Variants in FRMD3 observed in about 807,000 individuals in gnomAD.
FRMD3 encodes FERM domain-containing protein 3.
FRMD3 carries 33 observed loss-of-function variants against 70.2 expected under a neutral mutation model. The ratio of observed to expected loss-of-function variants is 0.47; its 90% CI spans 0.36 to 0.63. The LOEUF (loss-of-function observed/expected upper bound fraction) is 0.63, where lower values mean the gene tolerates loss of function less well. FRMD3 is among the 20% of genes least tolerant of loss of function. The pLI is 0.00. For missense variants in FRMD3, 632 were observed against 711.4 expected (o/e 0.89, Z 1.27); for synonymous variants, 279 against 255.9 (o/e 1.09, Z -0.86).
intron 12 of FRMD3, 147 bp from the exon 13 acceptor site, chr9:83,290,874 AC>A: frequency 1.3e-6 from 1 of 765,974 alleles, no homozygotes; most frequent in Non-Finnish European, 2.0e-6. Flanking sequence ...AGATGACGTA[AC>A]ATTCAAGATA....
intron 1 of FRMD3, among the ~76,000 whole-genome samples, chr9:83,534,206 T>C (rs193161902): frequency 4.7e-4 from 72 of 152,216 alleles, no homozygotes; most frequent in African/African-American, 1.7e-3. Flanking sequence ...CCCTGTCTAT[T>C]TGGAATTCCT....
chr9:83,479,112 C>T (rs147370762), intron 1 of FRMD3, among the ~76,000 whole-genome samples: 2 of 152,052 alleles, frequency 1.3e-5, no homozygotes, highest in Non-Finnish European at 2.9e-5. Context: ...GAACTAGGCA[C>T]ACACAGGCAT....
the FRMD3 span, among the ~76,000 whole-genome samples, chr9:83,566,078 C>T: frequency 6.6e-6 from 1 of 152,142 alleles, no homozygotes; most frequent in Non-Finnish European, 1.5e-5. Context: ...TTTCATGCTG[C>T]TGATAGAGAC....
chr9:83,328,832 AAGG>A (rs1269649484), intron 6 of FRMD3, among the ~76,000 whole-genome samples: 1 of 152,196 alleles, frequency 6.6e-6, no homozygotes, highest in African/African-American at 2.4e-5. Flanking sequence ...AAATGGATAG[AAGG>A]ATGGATAAAT....
At chr9:83,355,133 G>A (rs973092342) in intron 3 of FRMD3, among the ~76,000 whole-genome samples, 9 of 152,092 alleles carry the variant, frequency 5.9e-5, no homozygotes, top group South Asian at 2.1e-4. Context: ...CTTGTGCAGC[G>A]ATGACTAACC....
intron 13 of FRMD3, among the ~76,000 whole-genome samples, chr9:83,280,317 G>A (rs1009347609): frequency 3.9e-5 from 6 of 152,174 alleles, no homozygotes; most frequent in East Asian, 1.9e-4. Context: ...TATTGTATTC[G>A]GTGTCCACTC....
At chr9:83,531,252 TA>T (rs1450810475) in intron 1 of FRMD3, among the ~76,000 whole-genome samples, 1 of 152,198 alleles carries the variant, frequency 6.6e-6, no homozygotes, top group Non-Finnish European at 1.5e-5. Context: ...TATGAGTCAG[TA>T]AATGTCCTTA....
chr9:83,519,953 T>G (rs1458933294), intron 1 of FRMD3, among the ~76,000 whole-genome samples: 1 of 151,766 alleles, frequency 6.6e-6, no homozygotes, highest in Non-Finnish European at 1.5e-5. Context: ...TGAGAACATA[T>G]GGGCACAGGG....
At chr9:83,515,706 G>C (rs1395499825) in intron 1 of FRMD3, among the ~76,000 whole-genome samples, 1 of 152,156 alleles carries the variant, frequency 6.6e-6, no homozygotes, top group East Asian at 1.9e-4. Flanking sequence ...AAAATGTTAA[G>C]GGCAGCCAGA....
chr9:83,548,433 G>C, the FRMD3 span, among the ~76,000 whole-genome samples: 2 of 152,244 alleles, frequency 1.3e-5, no homozygotes, highest in Admixed American at 6.5e-5. Flanking sequence ...AGACATGGAA[G>C]AATATTAAAT....
rs943302544 is a variant in FRMD3 at position 83,501,265 on chromosome 9, G to C, written c.147+36820C>G. Among the ~76,000 whole-genome samples the C allele has an allele frequency of 3.3e-5, 5 of 151,982 alleles. No homozygotes were observed. The South Asian group carries it at 1.0e-3, about 31-fold the overall frequency. ...GCCGAGATGGTGCCACTGCACTCCA[G>C]CCTGGGTGACAGAGCGAGACTCCAT... On this transcript the variant is annotated intron_variant, in intron 1 of 13. Transcript: ENST00000304195.
intron 1 of FRMD3, among the ~76,000 whole-genome samples, chr9:83,482,280 G>GTGTATA (rs1178727349): frequency 6.6e-6 from 1 of 152,206 alleles, no homozygotes; most frequent in Non-Finnish European, 1.5e-5. Flanking sequence ...ACAAAAAACT[G>GTGTATA]TGTATAATTC....
downstream of FRMD3, chr9:83,243,179 C>T (rs772479279): frequency 9.1e-5 from 141 of 1,549,714 alleles, no homozygotes; most frequent in Admixed American, 2.9e-4. Flanking sequence ...GAGCTCACCA[C>T]GGGCAGGTTC....
chr9:83,554,174 C>T, the FRMD3 span, among the ~76,000 whole-genome samples: 3 of 152,138 alleles, frequency 2.0e-5, no homozygotes, highest in Admixed American at 2.0e-4. Context: ...GCAAATAACA[C>T]TTAGGCTCAT....
At chr9:83,288,353 T>C (rs1425796422) in intron 13 of FRMD3, among the ~76,000 whole-genome samples, 1 of 152,228 alleles carries the variant, frequency 6.6e-6, no homozygotes, top group Non-Finnish European at 1.5e-5. Context: ...GTGGATATCA[T>C]ACGGTACCTA....
chr9:83,427,393 C>T (rs1012049639), intron 1 of FRMD3, among the ~76,000 whole-genome samples: 3 of 152,210 alleles, frequency 2.0e-5, no homozygotes, highest in Non-Finnish European at 2.9e-5. Context: ...TTGTTCAGGT[C>T]ACACATCCCT....
chr9:83,257,128 C>G (rs1021901926), intron 13 of FRMD3, among the ~76,000 whole-genome samples: 23 of 152,110 alleles, frequency 1.5e-4, no homozygotes, highest in African/African-American at 5.6e-4. Context: ...AACTAAATGC[C>G]CATCCCTGAT....
the FRMD3 span, among the ~76,000 whole-genome samples, chr9:83,567,517 T>C: frequency 6.6e-6 from 1 of 152,244 alleles, no homozygotes; most frequent in African/African-American, 2.4e-5. Flanking sequence ...TTCTACGGCA[T>C]CATCGGGCTA....
At chr9:83,522,309 C>T (rs1829587426) in intron 1 of FRMD3, among the ~76,000 whole-genome samples, 1 of 152,044 alleles carries the variant, frequency 6.6e-6, no homozygotes, top group South Asian at 2.1e-4. Flanking sequence ...AAATGGCTAA[C>T]ATGGTGTCGC....
Sources: gnomAD v4.1 joint callset for allele counts (sites outside exome capture counted in the v4.1 genomes callset) on GRCh38, gnomAD v4.1.1 for gene constraint, MANE v1.5 for transcripts, NCBI Gene and HGNC (gene_info 2026-07-23, HGNC 2026-07-21) for gene names.